The following AP3M2 variants were observed in gnomAD, a reference collection of about 807,000 sequenced individuals.
AP3M2 encodes the protein AP-3 complex subunit mu-2.
AP3M2 carries 28 observed loss-of-function variants against 41.6 expected under a neutral mutation model. The ratio of observed to expected loss-of-function variants is 0.67; its 90% CI spans 0.50 to 0.92. The LOEUF (loss-of-function observed/expected upper bound fraction) is 0.92. Among genes scored for constraint, AP3M2 ranks in the 40% least tolerant of loss-of-function variants. AP3M2 has a pLI of 0.00. For missense variants in AP3M2, 427 were observed against 521.4 expected (o/e 0.82, Z 1.76); for synonymous variants, 193 against 186.4 (o/e 1.04, Z -0.29).
chr8:42,157,616 A>G (rs1217553396), intron 2 of AP3M2, among the ~76,000 whole-genome samples: 2 of 132,584 alleles, frequency 1.5e-5, no homozygotes, highest in East Asian at 2.2e-4. Context: ...AATTCTTTCA[A>G]ATTCTTGTTG....
Position 42,169,115 on chromosome 8 carries a change from C to T in AP3M2, c.*54C>T, listed in dbSNP as rs1329246898. 6.9e-7 allele frequency: 1 copy of T among 1,454,136 alleles called. No individual in the cohort carries two copies. The highest frequency in any genetic ancestry group is 1.4e-5 in the African/African-American group (1 of 69,982). 90.1% of individuals were successfully genotyped at this position (1,454,136 alleles called of 1,614,324 possible). A position where few individuals can be genotyped will look rare whatever the true frequency, so the allele number is the denominator to read the frequency against. On this transcript the variant is annotated 3_prime_UTR_variant, in exon 9 of 9. Coordinates refer to ENST00000396926, the MANE Select transcript of AP3M2 (RefSeq NM_006803.4). ...GCACATTTTTTCATTTCTTACTTGT[C>T]TAAAAGTAAAAAAAAATATCAGCCT...
chr8:42,162,387 T>TG lies in AP3M2; in HGVS notation c.553dup (p.Glu185GlyfsTer4). On this transcript the variant is annotated frameshift_variant, in exon 4 of 9. Transcript: ENST00000396926. LOFTEE classifies it high-confidence loss of function. ...ACAATGAGGCCTATTTTGATGTGAT[T>TG]GAAGAGATTGATGCAATTATTGATA... is the stretch of plus-strand genomic sequence containing the variant. 1 of 1,610,542 alleles carries TG rather than the reference T, an allele frequency of 6.2e-7. No homozygotes were observed. Among genetic ancestry groups the TG allele is most frequent in the Non-Finnish European group, 8.5e-7 (1 of 1,178,324 alleles).
At chr8:42,166,382 G>T (rs1477996461) in intron 6 of AP3M2, among the ~76,000 whole-genome samples, 2 of 152,028 alleles carry the variant, frequency 1.3e-5, no homozygotes, top group Non-Finnish European at 2.9e-5. Flanking sequence ...ATACATGTTA[G>T]GAACTGTTAT....
In AP3M2 at chr8:42,167,823, G is replaced by A. The variant is rs535935135; in HGVS notation, c.1156+13G>A. 1.4e-5 allele frequency: 22 copies of A among 1,604,580 alleles called. No individual in the cohort carries two copies. The East Asian group carries it at 4.2e-4, about 31-fold the overall frequency. ...CTGGCCATTTCTGGTAAGTGACCCA[G>A]AGCTCAAGAGGCTCCAAAGGGAACA... On this transcript the variant is annotated intron_variant, in intron 8 of 8. Coordinates refer to ENST00000396926, the MANE Select transcript of AP3M2 (RefSeq NM_006803.4).
At chr8:42,166,404 T>C (rs1804637771) in intron 6 of AP3M2, among the ~76,000 whole-genome samples, 1 of 151,998 alleles carries the variant, frequency 6.6e-6, no homozygotes, top group East Asian at 1.9e-4. Flanking sequence ...ACTTCAGGGT[T>C]ATTCCGTGAC....
intron 3 of AP3M2, among the ~76,000 whole-genome samples, chr8:42,158,703 C>T (rs1409991916): frequency 6.6e-6 from 1 of 151,908 alleles, no homozygotes; most frequent in African/African-American, 2.4e-5. Flanking sequence ...TACAGAAAAG[C>T]ACAAAGAATG....
intron 8 of AP3M2, 26 bp from the exon 9 acceptor site, chr8:42,168,935 A>C (rs377139736): frequency 2.6e-6 from 4 of 1,546,764 alleles, no homozygotes; most frequent in Non-Finnish European, 3.5e-6. Flanking sequence ...ACTCATGTCT[A>C]TTTTCCCTCT....
intron 3 of AP3M2, 30 bp from the exon 4 acceptor site, chr8:42,162,251 G>A (rs1804525715): frequency 1.6e-5 from 25 of 1,593,102 alleles, no homozygotes; most frequent in Non-Finnish European, 2.0e-5. Context: ...TCAAAATGGT[G>A]TTAAAATACA....
rs1234567791 is a variant in AP3M2, at chr8:42,169,190, A to G, written c.*129A>G. ...GACCCACCCGCTCCCTTTTTTCCTT[A>G]GCCTTCAGTGCCATGGAACTAATCA... is the stretch of plus-strand genomic sequence containing the variant. On this transcript the variant is annotated 3_prime_UTR_variant, in exon 9 of 9. Coordinates refer to ENST00000396926, the MANE Select transcript of AP3M2 (RefSeq NM_006803.4). 6.1e-6 allele frequency: 4 copies of G among 654,820 alleles called. No homozygotes were observed. The highest frequency in any genetic ancestry group is 1.0e-5 in the Non-Finnish European group (4 of 400,980). The allele number at this position is 654,820 out of a possible 1,614,324, so 40.6% of individuals were successfully genotyped here.
chr8:42,168,049 A>G (rs1804689329), intron 8 of AP3M2: 1 of 588,518 alleles, frequency 1.7e-6, no homozygotes, highest in South Asian at 1.9e-5. Flanking sequence ...AGAAAGAAAC[A>G]GTATTGGTAG....
intron 4 of AP3M2, among the ~76,000 whole-genome samples, chr8:42,164,737 A>G (rs931471467): frequency 7.9e-5 from 12 of 152,254 alleles, no homozygotes; most frequent in South Asian, 2.1e-4. Context: ...TTTCTGAACC[A>G]TTGGCTAAAA....
chr8:42,156,001 T>C (rs547305959), intron 2 of AP3M2: 263 of 456,156 alleles, frequency 5.8e-4, no homozygotes, highest in Non-Finnish European at 1.0e-3. Flanking sequence ...GGAATTTCAG[T>C]TCTCATGCAA....
intron 3 of AP3M2, among the ~76,000 whole-genome samples, chr8:42,159,684 T>G (rs1176563747): frequency 6.6e-6 from 1 of 152,226 alleles, no homozygotes; most frequent in East Asian, 1.9e-4. Flanking sequence ...TCTGGTGGTG[T>G]TTAGCCACAT....
intron 3 of AP3M2, among the ~76,000 whole-genome samples, chr8:42,160,940 G>A (rs112800553): frequency 0.01 from 1,576 of 152,244 alleles, 27 homozygotes; most frequent in African/African-American, 0.037. Flanking sequence ...AATCATTTAC[G>A]AATATTATGA....
Position 42,170,229 on chromosome 8 carries a change from T to C in AP3M2, c.*1168T>C, listed in dbSNP as rs372831750. On this transcript the variant is annotated 3_prime_UTR_variant, in exon 9 of 9. Transcript: ENST00000396926. Reference sequence around the variant, plus strand: ...TCCTTGAAGCTGCTTGGTAAAGTTATCATTTCCTCAGTCTTTTCTTTTGTA... The same window carrying C: ...TCCTTGAAGCTGCTTGGTAAAGTTACCATTTCCTCAGTCTTTTCTTTTGTA... 6.6e-6 allele frequency: 1 copy of C among 152,374 alleles called. No homozygotes were observed. Among genetic ancestry groups the C allele is most frequent in the African/African-American group, 2.4e-5 (1 of 41,576 alleles). 9.4% of individuals were successfully genotyped at this position (152,374 alleles called of 1,614,324 possible). A position where few individuals can be genotyped will look rare whatever the true frequency, so the allele number is the denominator to read the frequency against.
rs1804739860 is a variant in AP3M2 at position 42,169,615 on chromosome 8, A to T, written c.*554A>T. 1 of 152,216 alleles carries T rather than the reference A, an allele frequency of 6.6e-6. No homozygotes were observed. Among genetic ancestry groups the T allele is most frequent in the Non-Finnish European group, 1.5e-5 (1 of 68,052 alleles). The allele number at this position is 152,216 out of a possible 1,614,324, so 9.4% of individuals were successfully genotyped here. A position where few individuals can be genotyped will look rare whatever the true frequency, so the allele number is the denominator to read the frequency against. ...CCTTAAGGAGGGATGGGAAGGAAAG[A>T]GTTGAGTTGGTTTCTTTCTGATTCC... On this transcript the variant is annotated 3_prime_UTR_variant, in exon 9 of 9. Transcript: ENST00000396926.
Position 42,159,814 on chromosome 8 carries a change from A to C in AP3M2, c.445+1702A>C, listed in dbSNP as rs565450870. Among the ~76,000 whole-genome samples, 8 of 152,348 alleles carry C rather than the reference A, an allele frequency of 5.3e-5. No individual in the cohort carries two copies. The East Asian group carries it at 1.5e-3, about 29-fold the overall frequency. ...ATTTTATAAACTGATTGAAAAATAC[A>C]TTTTAAAAGTATAAATATTGCAAGA... On this transcript the variant is annotated intron_variant, in intron 3 of 8. Coordinates refer to ENST00000396926, the MANE Select transcript of AP3M2 (RefSeq NM_006803.4).
chr8:42,160,260 T>A (rs1804474827), intron 3 of AP3M2, among the ~76,000 whole-genome samples: 1 of 152,230 alleles, frequency 6.6e-6, no homozygotes, highest in Non-Finnish European at 1.5e-5. Context: ...TTACTCAATC[T>A]GTATGAAGTT....
intron 6 of AP3M2, among the ~76,000 whole-genome samples, chr8:42,166,555 G>C (rs941481816): frequency 3.1e-5 from 4 of 130,906 alleles, no homozygotes; most frequent in Admixed American, 2.7e-4. Flanking sequence ...AGGAGTTCGA[G>C]ACCAGCATGG....
Sources: allele counts gnomAD v4.1 joint callset (sites outside exome capture counted in the v4.1 genomes callset), GRCh38; gene constraint gnomAD v4.1.1; transcripts MANE v1.5; gene names NCBI Gene and HGNC (gene_info 2026-07-23, HGNC 2026-07-21).